The following GPR137B variants were observed in gnomAD, a reference collection of about 807,000 sequenced individuals.
The protein encoded by GPR137B is G protein-coupled receptor 137B.
In GPR137B, 42 loss-of-function variants were observed where a neutral mutation model predicts 42.5. The ratio of observed to expected loss-of-function variants is 0.99; its 90% CI spans 0.77 to 1.28. The LOEUF (loss-of-function observed/expected upper bound fraction) is 1.28, where lower values mean the gene tolerates loss of function less well. GPR137B is among the 50% of genes most tolerant of loss of function. GPR137B has a pLI of 0.00. For missense variants in GPR137B, 487 were observed against 493.9 expected, an observed-to-expected ratio of 0.99 and a Z score of 0.13; for synonymous variants, 218 against 209.7, an observed-to-expected ratio of 1.04 and a Z score of -0.34.
chr1:236,172,309 T>G (rs1662559481), intron 2 of GPR137B, among the ~76,000 whole-genome samples: 1 of 152,262 alleles, frequency 6.6e-6, no homozygotes, highest in African/African-American at 2.4e-5. Context: ...GGCTTCTAAA[T>G]AGATTGGCTT....
rs772894829 is a variant in GPR137B at position 236,142,705 on chromosome 1, C to T, written c.83C>T (p.Ser28Leu). The change falls in exon 1 of 7, where the codon TCG becomes TTG. Residue 28 changes from serine to leucine, a missense_variant. By Grantham distance (145) the Ser-to-Leu change is moderately radical (BLOSUM62 -2). Transcript: ENST00000366592. Reference sequence around the variant, plus strand: ...CCGTGGGACCCAGCCCGCAACGACTCGCTGCCGCCCACGCTGACCCCGGCC... The same window carrying T: ...CCGTGGGACCCAGCCCGCAACGACTTGCTGCCGCCCACGCTGACCCCGGCC... The part of the protein sequence containing the change: ...TPPWDPARND[S>L]LPPTLTPAVP... The T allele has an allele frequency of 6.9e-6, 11 of 1,597,564 alleles. No individual in the cohort carries two copies. Among genetic ancestry groups the T allele is most frequent in the Admixed American group, 1.7e-5 (1 of 58,550 alleles).
chr1:236,207,323 G>A (rs1572015232), intron 6 of GPR137B: 2 of 963,126 alleles, frequency 2.1e-6, no homozygotes, highest in East Asian at 1.1e-4. Context: ...ACTTCTTGAA[G>A]TCAAAAGCTG....
intron 5 of GPR137B, among the ~76,000 whole-genome samples, chr1:236,201,573 T>A (rs1426929827): frequency 6.6e-6 from 1 of 152,082 alleles, no homozygotes; most frequent in Non-Finnish European, 1.5e-5. Context: ...TTACAGTGAA[T>A]TTTTTATCCT....
At chr1:236,157,193 T>G (rs73121079) in intron 1 of GPR137B, among the ~76,000 whole-genome samples, 27,599 of 151,310 alleles carry the variant, frequency 0.18, 2,692 homozygotes, top group Admixed American at 0.27. Context: ...GAGCCAGGAT[T>G]CAACCCCAGG....
intron 5 of GPR137B, 67 bp downstream of exon 5, chr1:236,183,973 A>T: frequency 8.9e-7 from 1 of 1,126,294 alleles, no homozygotes. Context: ...CTGCAATTAG[A>T]ACTTTTTCTT....
intron 5 of GPR137B, among the ~76,000 whole-genome samples, chr1:236,203,114 G>A (rs928289505): frequency 6.6e-6 from 1 of 152,068 alleles, no homozygotes; most frequent in African/African-American, 2.4e-5. Flanking sequence ...GTCTTGCTCT[G>A]TCGCCCAGGC....
chr1:236,206,911 C>A (rs909689722), intron 6 of GPR137B, among the ~76,000 whole-genome samples: 7 of 152,136 alleles, frequency 4.6e-5, no homozygotes, highest in Admixed American at 3.3e-4. Context: ...CCTCTCAGGA[C>A]CCCCATCCTG....
At chr1:236,160,430 C>T (rs1367496523) in intron 1 of GPR137B, among the ~76,000 whole-genome samples, 2 of 152,072 alleles carry the variant, frequency 1.3e-5, no homozygotes, top group Non-Finnish European at 2.9e-5. Flanking sequence ...CCATGGCTGT[C>T]CCTGCCATGT....
At chr1:236,181,216 A>G (rs543999331) in intron 4 of GPR137B, among the ~76,000 whole-genome samples, 19 of 152,226 alleles carry the variant, frequency 1.2e-4, no homozygotes, top group African/African-American at 4.1e-4. Context: ...CTATAAATGT[A>G]TAAGTTACGA....
intron 2 of GPR137B, among the ~76,000 whole-genome samples, chr1:236,170,962 C>T (rs1289145858): frequency 1.4e-5 from 2 of 142,396 alleles, no homozygotes; most frequent in Non-Finnish European, 3.0e-5. Flanking sequence ...GGCAACACAG[C>T]GACTCTGTCT....
At chr1:236,157,277 T>G (rs1006875110) in intron 1 of GPR137B, among the ~76,000 whole-genome samples, 3 of 149,452 alleles carry the variant, frequency 2.0e-5, no homozygotes, top group African/African-American at 7.4e-5. Flanking sequence ...CAGGCTGGAG[T>G]GCAGTGGCGC....
At chr1:236,180,804 G>A (rs1662849906) in intron 4 of GPR137B, among the ~76,000 whole-genome samples, 2 of 152,120 alleles carry the variant, frequency 1.3e-5, no homozygotes, top group South Asian at 4.2e-4. Context: ...TTTTAGTAGA[G>A]ATGGGGTTTC....
intron 2 of GPR137B, among the ~76,000 whole-genome samples, chr1:236,177,591 C>G (rs1007431922): frequency 6.6e-6 from 1 of 151,782 alleles, no homozygotes; most frequent in Non-Finnish European, 1.5e-5. Context: ...GAGCCTCGCT[C>G]TGTGCCCCAG....
intron 5 of GPR137B, among the ~76,000 whole-genome samples, chr1:236,196,831 C>A (rs1225540180): frequency 1.3e-5 from 2 of 152,080 alleles, no homozygotes; most frequent in African/African-American, 4.8e-5. Flanking sequence ...TATATATATA[C>A]CATTTTTCTT....
At chr1:236,198,525 G>T (rs1168538710) in intron 5 of GPR137B, among the ~76,000 whole-genome samples, 2 of 152,152 alleles carry the variant, frequency 1.3e-5, no homozygotes, top group African/African-American at 4.8e-5. Context: ...ATCTTGATGG[G>T]AATTGCATTG....
chr1:236,192,733 C>A (rs1431244961), intron 5 of GPR137B, among the ~76,000 whole-genome samples: 1 of 152,134 alleles, frequency 6.6e-6, no homozygotes, highest in Non-Finnish European at 1.5e-5. Context: ...AGAAATCACC[C>A]ACCTTCTGTG....
At chr1:236,194,209 T>C (rs1558494249) in intron 5 of GPR137B, among the ~76,000 whole-genome samples, 1 of 146,062 alleles carries the variant, frequency 6.8e-6, no homozygotes, top group Non-Finnish European at 1.5e-5. Context: ...ACAATGAGTT[T>C]ATCAGAATGT....
intron 5 of GPR137B, among the ~76,000 whole-genome samples, chr1:236,195,263 C>T (rs1207134159): frequency 6.6e-6 from 1 of 151,832 alleles, no homozygotes; most frequent in Non-Finnish European, 1.5e-5. Context: ...CTCCCCCCGC[C>T]ACTACCCTTC....
rs1200750242 is a variant in GPR137B at position 236,150,003 on chromosome 1, CTG to C, written c.414+6976_414+6977del. Among the ~76,000 whole-genome samples, 4 of 149,688 alleles carry C rather than the reference CTG, an allele frequency of 2.7e-5. No homozygotes were observed. The highest frequency in any genetic ancestry group is 7.4e-5 in the African/African-American group (3 of 40,574). On this transcript the variant is annotated intron_variant, in intron 1 of 6. Coordinates refer to ENST00000366592, the MANE Select transcript of GPR137B (RefSeq NM_003272.4). The surrounding 1 kb of genome is among the most constrained non-coding windows in gnomAD (Gnocchi z 6.2). ...GTGTGTGGGGTTTGTGTATGTGTGC[CTG>C]TGTGTGTGCCTGTGTGTGTACCTGT...
Sources: allele counts gnomAD v4.1 joint callset (sites outside exome capture counted in the v4.1 genomes callset), GRCh38; gene constraint gnomAD v4.1.1; non-coding constraint Gnocchi (gnomAD v3.1); transcripts MANE v1.5; gene names NCBI Gene and HGNC (gene_info 2026-07-23, HGNC 2026-07-21).